The following BAZ2B variants were observed in gnomAD, a reference collection of about 807,000 sequenced individuals.
BAZ2B encodes bromodomain adjacent to zinc finger domain protein 2B.
Under a neutral mutation model 246.0 loss-of-function variants are expected in BAZ2B, and 91 were observed. The ratio of observed to expected loss-of-function variants is 0.37; its 90% CI spans 0.31 to 0.44. The LOEUF is 0.44. BAZ2B is among the 20% of genes least tolerant of loss of function. BAZ2B has a pLI of 1.00. For synonymous variants in BAZ2B, 855 were observed against 860.0 expected (o/e 0.99, Z 0.10); for missense variants, 2,332 against 2,533.7 (o/e 0.92, Z 1.71).
At chr2:159,462,658 G>A (rs570015888) in intron 3 of BAZ2B, 472 of 1,067,630 alleles carry the variant, frequency 4.4e-4, no homozygotes, top group African/African-American at 1.9e-3. Flanking sequence ...TGCCATCTTC[G>A]TAATAGTGAA....
chr2:159,463,933 T>G (rs1460733366), intron 3 of BAZ2B: 2 of 151,942 alleles, frequency 1.3e-5, no homozygotes, highest in Non-Finnish European at 2.9e-5. Context: ...CTCAAACTCC[T>G]GACTTTGTGA....
chr2:159,382,218 G>A (rs1202904274), intron 25 of BAZ2B, among the ~76,000 whole-genome samples: 1 of 152,112 alleles, frequency 6.6e-6, no homozygotes, highest in Non-Finnish European at 1.5e-5. Context: ...GGCATGAAGC[G>A]CTGTACAAAT....
At chr2:159,443,424 T>C (rs1306849546) in intron 6 of BAZ2B, among the ~76,000 whole-genome samples, 1 of 152,166 alleles carries the variant, frequency 6.6e-6, no homozygotes. Flanking sequence ...CCACCTCCCA[T>C]GGGAGGTATC....
At chr2:159,539,722 A>G (rs1305766980) in intron 2 of BAZ2B, among the ~76,000 whole-genome samples, 1 of 152,204 alleles carries the variant, frequency 6.6e-6, no homozygotes, top group Non-Finnish European at 1.5e-5. Context: ...TTTAATTTAA[A>G]AAACTAAAAT....
intron 2 of BAZ2B, among the ~76,000 whole-genome samples, chr2:159,548,298 T>C (rs986615750): frequency 6.6e-6 from 1 of 152,350 alleles, no homozygotes; most frequent in East Asian, 1.9e-4. Context: ...TCACTGTTAT[T>C]ATATTTTACT....
intron 1 of BAZ2B, among the ~76,000 whole-genome samples, chr2:159,578,171 G>A (rs1685801832): frequency 6.6e-6 from 1 of 152,062 alleles, no homozygotes; most frequent in Admixed American, 6.6e-5. Flanking sequence ...CAAAGCAAAA[G>A]GAACAACACT....
the BAZ2B span, among the ~76,000 whole-genome samples, chr2:159,630,781 G>A: frequency 0.062 from 9,500 of 152,162 alleles, 362 homozygotes; most frequent in Middle Eastern, 0.14. Flanking sequence ...TGATCCGCCC[G>A]CCTCGGCCTC....
Position 159,574,227 on chromosome 2 carries a change from T to C in BAZ2B, c.-45-18362A>G, listed in dbSNP as rs146781089. On this transcript the variant is annotated intron_variant, in intron 1 of 36. Coordinates refer to ENST00000392783, the MANE Select transcript of BAZ2B (RefSeq NM_013450.4). ...GAATAGATATTTTATCAAAAGAAGA[T>C]ACACAAATGGCCAATAAGCATAAGA... is the stretch of plus-strand genomic sequence containing the variant. 7.0e-3 allele frequency among the ~76,000 whole-genome samples: 1,066 copies of C among 151,594 alleles called. 4 individuals carry two copies. Among genetic ancestry groups the C allele is most frequent in the Non-Finnish European group, 0.012 (782 of 67,900 alleles).
chr2:159,336,796 C>G (rs1209964235), intron 33 of BAZ2B, 146 bp downstream of exon 33: 1 of 696,080 alleles, frequency 1.4e-6, no homozygotes, highest in African/African-American at 1.9e-5. Flanking sequence ...AGGAAAGTAT[C>G]AAAAATCTTT....
chr2:159,636,671 C>T, the BAZ2B span, among the ~76,000 whole-genome samples: 5,242 of 152,114 alleles, frequency 0.034, 151 homozygotes, highest in Non-Finnish European at 0.054. Context: ...CTTAGAGCCA[C>T]GGAACTATGG....
intron 14 of BAZ2B, among the ~76,000 whole-genome samples, chr2:159,406,282 T>A (rs558571979): frequency 3.2e-4 from 49 of 152,198 alleles, no homozygotes; most frequent in Admixed American, 6.5e-4. Context: ...GAAGATATGA[T>A]TTGGGGGCTA....
chr2:159,459,033 A>G (rs1269805954), intron 3 of BAZ2B: 1 of 151,142 alleles, frequency 6.6e-6, no homozygotes, highest in Admixed American at 6.6e-5. Flanking sequence ...AAGCCTATAT[A>G]ACATGCTCTT....
intron 27 of BAZ2B, among the ~76,000 whole-genome samples, chr2:159,357,505 C>T (rs2059239279): frequency 6.6e-6 from 1 of 151,980 alleles, no homozygotes; most frequent in Non-Finnish European, 1.5e-5. Context: ...ATTAGTGTAC[C>T]TGAAAATGAT....
Position 159,382,793 on chromosome 2 carries a change from G to A in BAZ2B, c.3771C>T (p.Ile1257=), listed in dbSNP as rs370827271. 24 of 1,612,460 alleles carry A rather than the reference G, an allele frequency of 1.5e-5. No individual in the cohort carries two copies. Among genetic ancestry groups the A allele is most frequent in the Non-Finnish European group, 2.0e-5 (24 of 1,179,192 alleles). ...VVEGKLRKLR[I]IHAKKTGKRD... is the part of the protein sequence containing the mutation. The stretch of plus-strand genomic sequence containing the variant: ...TTTTGCCTGTTTTCTTAGCATGAAT[G>A]ATTCTGAGCCTTTAAATATTATGAA... The change falls in exon 25 of 37, where the codon ATC becomes ATT. Residue 1257 remains isoleucine (I), a synonymous_variant. Coordinates refer to ENST00000392783, the MANE Select transcript of BAZ2B (RefSeq NM_013450.4).
intron 34 of BAZ2B, among the ~76,000 whole-genome samples, chr2:159,332,326 CAA>C (rs11409022): frequency 7.1e-6 from 1 of 141,362 alleles, no homozygotes; most frequent in Admixed American, 7.1e-5. Context: ...ATCTCTCTCT[CAA>C]AAAAAAAAAA....
chr2:159,385,050 G>T, intron 23 of BAZ2B, 105 bp downstream of exon 23: 1 of 1,128,008 alleles, frequency 8.9e-7, no homozygotes, highest in South Asian at 1.4e-5. Flanking sequence ...TTTCTTCTTT[G>T]TGCTAGTCTG....
intron 2 of BAZ2B, among the ~76,000 whole-genome samples, chr2:159,519,210 C>CTTTTTTTTTTTTTTTTTTTTTT (rs564614568): frequency 6.9e-5 from 4 of 57,770 alleles, no homozygotes; most frequent in Non-Finnish European, 1.0e-4. Context: ...ATTCTATTTT[C>CTTTTTTTTTTTTTTTTTTTTTT]TTTTTTTTTT....
At chr2:159,365,268 C>G (rs1242292361) in intron 27 of BAZ2B, among the ~76,000 whole-genome samples, 1 of 152,070 alleles carries the variant, frequency 6.6e-6, no homozygotes, top group Non-Finnish European at 1.5e-5. Flanking sequence ...GAATAGCATT[C>G]TGAAAGACAG....
intron 11 of BAZ2B, among the ~76,000 whole-genome samples, chr2:159,428,947 G>C (rs2070538651): frequency 6.6e-6 from 1 of 151,996 alleles, no homozygotes; most frequent in South Asian, 2.1e-4. Context: ...TTTGCTCTTG[G>C]TTCTTTTTCA....
Sources: allele counts gnomAD v4.1 joint callset (sites outside exome capture counted in the v4.1 genomes callset), GRCh38; gene constraint gnomAD v4.1.1; transcripts MANE v1.5; gene names NCBI Gene and HGNC (gene_info 2026-07-23, HGNC 2026-07-21).